The following FOXK2 variants were observed in gnomAD, a reference collection of about 807,000 sequenced individuals.
The protein encoded by FOXK2 is forkhead box K2.
FOXK2 carries 24 observed loss-of-function variants against 53.3 expected under a neutral mutation model. The ratio of observed to expected loss-of-function variants is 0.45; its 90% CI spans 0.33 to 0.63. The LOEUF (loss-of-function observed/expected upper bound fraction) is 0.63, where lower values mean the gene tolerates loss of function less well. Among genes scored for constraint, FOXK2 ranks in the 30% least tolerant of loss-of-function variants. The probability of loss-of-function intolerance (pLI) is 0.03; values close to 1 mark genes in which losing one functional copy is unlikely to be tolerated. For synonymous variants in FOXK2, 505 were observed against 407.1 expected (o/e 1.24, Z -2.89); for missense variants, 952 against 910.5 (o/e 1.05, Z -0.59).
At chr17:82,569,943 T>A (rs547878616) in intron 3 of FOXK2, among the ~76,000 whole-genome samples, 2 of 151,610 alleles carry the variant, frequency 1.3e-5, no homozygotes, top group South Asian at 4.2e-4. Flanking sequence ...AGCGATAGGC[T>A]GGGCGCAGTG....
At chr17:82,536,992 T>C (rs1268667818) in intron 1 of FOXK2, among the ~76,000 whole-genome samples, 1 of 152,240 alleles carries the variant, frequency 6.6e-6, no homozygotes, top group Non-Finnish European at 1.5e-5. Flanking sequence ...CAATACATTT[T>C]GAATGAGGTC....
In FOXK2 at chr17:82,587,214, A is replaced by C; in HGVS notation, c.1728A>C (p.Thr576=). ...ACCAGCTACCAATAAAAACTGTAACACAAAACGGCACTCACGTGGCATCAG... is the reference window on the plus strand; with the variant it reads ...ACCAGCTACCAATAAAAACTGTAACCCAAAACGGCACTCACGTGGCATCAG... ...GQHQLPIKTV[T]QNGTHVASVP... is the part of the protein sequence containing the mutation. Residue 576 remains threonine, a synonymous_variant, in exon 8 of 9, where the codon ACA becomes ACC. Coordinates refer to ENST00000335255, the MANE Select transcript of FOXK2 (RefSeq NM_004514.4). 6.2e-7 allele frequency: 1 copy of C among 1,613,070 alleles called. No homozygotes were observed. Among genetic ancestry groups the C allele is most frequent in the Non-Finnish European group, 8.5e-7 (1 of 1,180,010 alleles).
chr17:82,570,271 T>C (rs551821809), intron 3 of FOXK2, among the ~76,000 whole-genome samples: 5 of 152,016 alleles, frequency 3.3e-5, no homozygotes, highest in Admixed American at 6.5e-5. Context: ...GGTGGGCATA[T>C]CACTTGAGCT....
intron 7 of FOXK2, among the ~76,000 whole-genome samples, chr17:82,586,451 G>GA (rs1491417518): frequency 6.2e-4 from 1 of 1,610 alleles, no homozygotes; most frequent in Non-Finnish European, 1.1e-3. Flanking sequence ...AAGGTGGGCC[G>GA]GGGGGGGAAA....
At chr17:82,582,205 C>CTGGAAT (rs1323627021) in intron 4 of FOXK2, among the ~76,000 whole-genome samples, 1 of 152,226 alleles carries the variant, frequency 6.6e-6, no homozygotes, top group African/African-American at 2.4e-5. Flanking sequence ...TTGCCTCCAC[C>CTGGAAT]TGGAATGCTC....
At chr17:82,560,921 A>G (rs1397807806) in intron 1 of FOXK2, among the ~76,000 whole-genome samples, 1 of 152,084 alleles carries the variant, frequency 6.6e-6, no homozygotes. Context: ...TGATCGTGCC[A>G]CTGCTCTCCA....
At chr17:82,575,147 T>C (rs529428906) in intron 4 of FOXK2, among the ~76,000 whole-genome samples, 1 of 152,300 alleles carries the variant, frequency 6.6e-6, no homozygotes, top group South Asian at 2.1e-4. Context: ...GTACCACACA[T>C]TGCACTAAAG....
At chr17:82,537,196 A>G (rs2044528944) in intron 1 of FOXK2, among the ~76,000 whole-genome samples, 1 of 152,156 alleles carries the variant, frequency 6.6e-6, no homozygotes, top group Non-Finnish European at 1.5e-5. Flanking sequence ...TATGTTAGGA[A>G]GGTTATTCCT....
chr17:82,540,421 G>T (rs1462436089), intron 1 of FOXK2, among the ~76,000 whole-genome samples: 1 of 152,134 alleles, frequency 6.6e-6, no homozygotes, highest in Non-Finnish European at 1.5e-5. Context: ...TTGTTTGTGG[G>T]TATGCGTCCT....
chr17:82,534,876 T>C (rs2044505465), intron 1 of FOXK2, among the ~76,000 whole-genome samples: 1 of 152,226 alleles, frequency 6.6e-6, no homozygotes. Context: ...AATTATTGAG[T>C]GCTGAAAAAC....
At chr17:82,549,863 CAT>C (rs1175772560) in intron 1 of FOXK2, among the ~76,000 whole-genome samples, 2 of 152,166 alleles carry the variant, frequency 1.3e-5, no homozygotes, top group Non-Finnish European at 2.9e-5. Flanking sequence ...AGCTTCATAA[CAT>C]GTGGGGTCCA....
At chr17:82,600,683 G>T (rs1329389148) in intron 8 of FOXK2, 1 of 152,308 alleles carries the variant, frequency 6.6e-6, no homozygotes, top group African/African-American at 2.4e-5. Context: ...CTGGTCAGCC[G>T]TTAGCAGCCA....
chr17:82,589,906 T>C (rs1182213621), intron 8 of FOXK2, among the ~76,000 whole-genome samples: 1 of 152,038 alleles, frequency 6.6e-6, no homozygotes, highest in African/African-American at 2.4e-5. Context: ...ATTAGCCGGG[T>C]GTGGTGGCAC....
Position 82,601,287 on chromosome 17 carries a change from C to T in FOXK2, c.1787-16C>T, listed in dbSNP as rs369621532. ...ACGTGAGAGCGTGGGGTTCTGACTC[C>T]CTCGTGTCATTTCAGCCGCGGCGAG... On this transcript the variant is annotated splice_polypyrimidine_tract_variant and intron_variant, in intron 8 of 8. Transcript: ENST00000335255. 5.0e-6 allele frequency: 8 copies of T among 1,605,718 alleles called. No individual in the cohort carries two copies. In the African/African-American group the frequency reaches 1.1e-4, roughly 21 times the overall value.
chr17:82,591,399 C>G (rs1049457042), intron 8 of FOXK2, among the ~76,000 whole-genome samples: 1 of 152,136 alleles, frequency 6.6e-6, no homozygotes, highest in African/African-American at 2.4e-5. Flanking sequence ...GCTCCTGTGT[C>G]CCCTGCTCTG....
rs577256465 is a variant in FOXK2 at position 82,565,048 on chromosome 17, C to T, written c.614+1500C>T. ...CCTGGCCTCATCAAATGGTTTTTGA[C>T]GAGGGTGCCCACATGCCCACACCAT... On this transcript the variant is annotated intron_variant, in intron 2 of 8. Transcript: ENST00000335255. 4.6e-5 allele frequency among the ~76,000 whole-genome samples: 7 copies of T among 152,146 alleles called. No homozygotes were observed. The South Asian group carries it at 1.0e-3, about 23-fold the overall frequency.
intron 1 of FOXK2, among the ~76,000 whole-genome samples, chr17:82,540,957 C>G (rs187225390): frequency 1.3e-5 from 2 of 152,218 alleles, no homozygotes; most frequent in African/African-American, 4.8e-5. Flanking sequence ...AGTGGCATAG[C>G]TTGGAGTGTG....
At chr17:82,521,469 G>C (rs945162692) in intron 1 of FOXK2, among the ~76,000 whole-genome samples, 2 of 151,424 alleles carry the variant, frequency 1.3e-5, no homozygotes, top group Admixed American at 6.6e-5. Context: ...ACCGCGCCCG[G>C]CCTACAAATT....
chr17:82,546,347 C>G (rs1328452835), intron 1 of FOXK2, among the ~76,000 whole-genome samples: 1 of 151,996 alleles, frequency 6.6e-6, no homozygotes, highest in Non-Finnish European at 1.5e-5. Flanking sequence ...AAACTCCTGA[C>G]CTCAGGTGAT....
Sources: gnomAD v4.1 joint callset for allele counts (sites outside exome capture counted in the v4.1 genomes callset) on GRCh38, gnomAD v4.1.1 for gene constraint, MANE v1.5 for transcripts, NCBI Gene and HGNC (gene_info 2026-07-23, HGNC 2026-07-21) for gene names.